Variants in AEN observed in about 807,000 individuals in gnomAD.
The protein encoded by AEN is apoptosis enhancing nuclease.
In AEN, 21 loss-of-function variants were observed where a neutral mutation model predicts 17.7. That is an observed-to-expected ratio of 1.19 (90% CI 0.84 to 1.71). AEN has a LOEUF of 1.71. AEN is among the 40% of genes most tolerant of loss of function. The pLI is 0.00. For synonymous variants in AEN, 190 were observed against 173.0 expected, an observed-to-expected ratio of 1.10 and a Z score of -0.77; for missense variants, 462 against 435.9, an observed-to-expected ratio of 1.06 and a Z score of -0.53.
chr15:88,615,906 G>A, the AEN span, among the ~76,000 whole-genome samples: 1 of 152,144 alleles, frequency 6.6e-6, no homozygotes, highest in Non-Finnish European at 1.5e-5. Context: ...CACTCTGACT[G>A]TAGCATAATG....
At position 88,627,986 on chromosome 15, in the gene AEN, T is replaced by C. The variant is rs116435955; in HGVS notation, c.540+1237T>C. ...CTATCTCGTGTCCTACTTTTTCACA[T>C]AACATTGTGGCCCGAGCATTCCTTT... On this transcript the variant is annotated intron_variant, in intron 2 of 3. Transcript: ENST00000332810. 58 of 152,228 alleles carry C rather than the reference T, an allele frequency of 3.8e-4. 1 individual carries two copies. The highest frequency in any genetic ancestry group is 1.4e-3 in the African/African-American group (58 of 41,478). 9.4% of individuals were successfully genotyped at this position (152,228 alleles called of 1,614,324 possible).
chr15:88,624,883 C>CAAAAAAAAAAA (rs10701067), intron 1 of AEN, among the ~76,000 whole-genome samples: 92 of 148,764 alleles, frequency 6.2e-4, no homozygotes, highest in African/African-American at 2.1e-3. Context: ...AACTCCGCCT[C>CAAAAAAAAAAA]AAAAAATGCC....
upstream of AEN, among the ~76,000 whole-genome samples, chr15:88,619,232 T>TA (rs2057761916): frequency 6.6e-6 from 1 of 152,226 alleles, no homozygotes; most frequent in Non-Finnish European, 1.5e-5. Context: ...TTTCCCAAGG[T>TA]AATGCAGCAG....
chr15:88,630,816 G>A lies in AEN; in HGVS notation c.*522G>A, dbSNP rs1169901795. The stretch of plus-strand genomic sequence containing the variant: ...ACTCATTTGGGTTCAGAATAAACAT[G>A]TCCTGAAGTTAAAGAGGAGTTAAGT... On this transcript the variant is annotated 3_prime_UTR_variant, in exon 4 of 4. Transcript: ENST00000332810. The surrounding 1 kb of genome is among the most constrained non-coding windows in gnomAD (Gnocchi z 5.1). 1 of 242,452 alleles carries A rather than the reference G, an allele frequency of 4.1e-6. No individual in the cohort carries two copies. Among genetic ancestry groups the A allele is most frequent in the Admixed American group, 4.5e-5 (1 of 22,090 alleles). The allele number at this position is 242,452 out of a possible 1,614,324, so 15.0% of individuals were successfully genotyped here. A position where few individuals can be genotyped will look rare whatever the true frequency, so the allele number is the denominator to read the frequency against.
chr15:88,621,438 G>C (rs2057786405), intron 1 of AEN, 56 bp downstream of exon 1: 1 of 152,520 alleles, frequency 6.6e-6, no homozygotes, highest in African/African-American at 2.4e-5. Flanking sequence ...GAGGCCGCGT[G>C]TCCCGGGTCG....
At chr15:88,613,274 C>T in the AEN span, among the ~76,000 whole-genome samples, 1 of 152,182 alleles carries the variant, frequency 6.6e-6, no homozygotes, top group Non-Finnish European at 1.5e-5. Context: ...TTCTGCTGCT[C>T]CCTATCCTAC....
the AEN span, among the ~76,000 whole-genome samples, chr15:88,608,674 T>A: frequency 6.6e-6 from 1 of 152,266 alleles, no homozygotes; most frequent in Non-Finnish European, 1.5e-5. Flanking sequence ...GTGTTTGGTG[T>A]CCTCTTCACT....
chr15:88,605,206 G>C, the AEN span: 1 of 152,448 alleles, frequency 6.6e-6, no homozygotes, highest in Non-Finnish European at 1.5e-5. This position sits in a 1 kb window ranked among gnomAD's most constrained non-coding sequence, Gnocchi z 7.6. Flanking sequence ...GGGGGCGTCT[G>C]GTTCCAGTAC....
chr15:88,626,070 C>CAGGGAGGG, intron 1 of AEN, 76 bp from the exon 2 acceptor site: 5 of 874,090 alleles, frequency 5.7e-6, no homozygotes, highest in South Asian at 3.9e-5. Flanking sequence ...TGGTGCACTG[C>CAGGGAGGG]AGGGAGGGAG....
the AEN span, among the ~76,000 whole-genome samples, chr15:88,605,367 GC>G: frequency 6.6e-6 from 1 of 152,206 alleles, no homozygotes; most frequent in South Asian, 2.1e-4. This position sits in a 1 kb window ranked among gnomAD's most constrained non-coding sequence, Gnocchi z 7.6. Context: ...CGCGCTTCTC[GC>G]CCCTGATTCT....
chr15:88,622,005 T>G (rs907233439), intron 1 of AEN, among the ~76,000 whole-genome samples: 1 of 152,122 alleles, frequency 6.6e-6, no homozygotes, highest in African/African-American at 2.4e-5. Flanking sequence ...CAGCCCTCGG[T>G]TGATGGTGAA....
intron 1 of AEN, among the ~76,000 whole-genome samples, chr15:88,625,263 T>C (rs1312922011): frequency 1.3e-5 from 2 of 152,188 alleles, no homozygotes; most frequent in African/African-American, 2.4e-5. Context: ...CTCATACTTA[T>C]AATCCCAGTA....
chr15:88,617,578 CTATT>C (rs887111322), upstream of AEN, among the ~76,000 whole-genome samples: 1 of 152,146 alleles, frequency 6.6e-6, no homozygotes, highest in African/African-American at 2.4e-5. Context: ...CATGAAAAAA[CTATT>C]TATGACAATG....
upstream of AEN, among the ~76,000 whole-genome samples, chr15:88,616,654 G>T (rs1357405437): frequency 6.6e-6 from 1 of 152,196 alleles, no homozygotes; most frequent in South Asian, 2.1e-4. Flanking sequence ...TGTAAGTATA[G>T]ATGGTCCCTG....
intron 2 of AEN, chr15:88,626,988 T>C: frequency 1.9e-6 from 1 of 533,858 alleles, no homozygotes; most frequent in South Asian, 2.5e-5. Flanking sequence ...CTACACCAAC[T>C]GTAAGGTGAT....
upstream of AEN, among the ~76,000 whole-genome samples, chr15:88,617,804 T>G (rs1213489628): frequency 6.6e-6 from 1 of 151,578 alleles, no homozygotes; most frequent in African/African-American, 2.4e-5. Context: ...GCCTCATAAG[T>G]GACTAGCTGA....
At position 88,630,560 on chromosome 15, in the gene AEN, C is replaced by A; in HGVS notation, c.*266C>A. On this transcript the variant is annotated 3_prime_UTR_variant, in exon 4 of 4. Transcript: ENST00000332810. This position sits in a 1 kb window ranked among gnomAD's most constrained non-coding sequence, Gnocchi z 5.1. ...AGACTCCATGGAGATGTCAGGTGGA[C>A]CATCTTCTAGGGCCCAGCAGGAGTA... The A allele has an allele frequency of 2.2e-6, 1 of 462,252 alleles. No homozygotes were observed. The highest frequency in any genetic ancestry group is 2.5e-5 in the South Asian group (1 of 40,446). The allele number at this position is 462,252 out of a possible 1,614,324, so 28.6% of individuals were successfully genotyped here. A position where few individuals can be genotyped will look rare whatever the true frequency, so the allele number is the denominator to read the frequency against.
At position 88,626,547 on chromosome 15, in the gene AEN, T is replaced by C; in HGVS notation, c.338T>C (p.Ile113Thr). Residue 113 changes from isoleucine to threonine, a missense_variant, in exon 2 of 4, where the codon ATC (isoleucine) becomes ACC (threonine). Coordinates refer to ENST00000332810, the MANE Select transcript of AEN (RefSeq NM_022767.4). ...CCCTTGCCCAGCAAGTGTGTGGCTA[T>C]CGACTGTGAGATGGTGGGCACGGGA... is the stretch of plus-strand genomic sequence containing the variant. The part of the protein sequence containing the change: ...SGPLPSKCVA[I>T]DCEMVGTGPR... 6.2e-7 allele frequency: 1 copy of C among 1,614,106 alleles called. No homozygotes were observed. The highest frequency in any genetic ancestry group is 8.5e-7 in the Non-Finnish European group (1 of 1,180,022).
upstream of AEN, among the ~76,000 whole-genome samples, chr15:88,619,128 AC>A (rs1367182825): frequency 6.6e-6 from 1 of 152,206 alleles, no homozygotes; most frequent in East Asian, 1.9e-4. Flanking sequence ...AGAATGAGAA[AC>A]CACCTGACTT....
Sources: allele counts gnomAD v4.1 joint callset (sites outside exome capture counted in the v4.1 genomes callset), GRCh38; gene constraint gnomAD v4.1.1; non-coding constraint Gnocchi (gnomAD v3.1); transcripts MANE v1.5; gene names NCBI Gene and HGNC (gene_info 2026-07-23, HGNC 2026-07-21).